The following CSMD1 variants were observed in gnomAD, a reference collection of about 807,000 sequenced individuals.
CSMD1 encodes the protein CUB and Sushi multiple domains 1.
CSMD1 carries 213 observed loss-of-function variants against 417.5 expected under a neutral mutation model. The observed-to-expected ratio is 0.51, with a 90% CI of 0.46 to 0.57. The LOEUF (loss-of-function observed/expected upper bound fraction) is 0.57, where lower values mean the gene tolerates loss of function less well. CSMD1 is among the 20% of genes least tolerant of loss of function. The pLI is 0.00. For synonymous variants in CSMD1, 2,862 were observed against 1,736.8 expected (o/e 1.65, Z -16.11); for missense variants, 6,923 against 4,529.7 (o/e 1.53, Z -15.17).
At chr8:4,530,229 G>A (rs1450716328) in intron 2 of CSMD1, among the ~76,000 whole-genome samples, 1 of 146,888 alleles carries the variant, frequency 6.8e-6, no homozygotes, top group Admixed American at 6.9e-5. Flanking sequence ...TGTTATTTGT[G>A]ACTGCATACC....
At chr8:2,951,064 A>C (rs1355769261) in intron 66 of CSMD1, 50 bp downstream of exon 66, 2 of 1,557,738 alleles carry the variant, frequency 1.3e-6, no homozygotes, top group East Asian at 2.2e-5. Context: ...AAAAGATAAC[A>C]GGTCTATTTC....
At chr8:4,426,631 A>AT (rs976148742) in intron 2 of CSMD1, among the ~76,000 whole-genome samples, 4 of 146,818 alleles carry the variant, frequency 2.7e-5, no homozygotes, top group Admixed American at 6.9e-5. Flanking sequence ...ACTATATAAT[A>AT]TAGTAATATT....
At chr8:4,613,484 G>C (rs1801300419) in intron 2 of CSMD1, among the ~76,000 whole-genome samples, 1 of 152,148 alleles carries the variant, frequency 6.6e-6, no homozygotes, top group African/African-American at 2.4e-5. Context: ...GCCTGGAAGA[G>C]CATACTTACA....
chr8:3,853,195 C>G (rs1160515790), intron 5 of CSMD1, among the ~76,000 whole-genome samples: 1 of 152,114 alleles, frequency 6.6e-6, no homozygotes, highest in Admixed American at 6.5e-5. Context: ...CCTTCCTTCA[C>G]GATTGCATGT....
At chr8:4,005,927 C>G (rs764056321) in intron 4 of CSMD1, among the ~76,000 whole-genome samples, 4 of 152,116 alleles carry the variant, frequency 2.6e-5, no homozygotes, top group African/African-American at 4.8e-5. Context: ...TTTGCAGAAC[C>G]ATGCATTTAT....
intron 5 of CSMD1, among the ~76,000 whole-genome samples, chr8:3,907,848 G>C (rs1808213847): frequency 1.3e-5 from 2 of 152,126 alleles, no homozygotes; most frequent in Non-Finnish European, 2.9e-5. Flanking sequence ...TCAACTCTGT[G>C]CTCTGCGGTC....
intron 64 of CSMD1, 78 bp from the exon 65 acceptor site, chr8:2,954,346 G>T: frequency 1.2e-6 from 1 of 854,692 alleles, no homozygotes; most frequent in Admixed American, 2.9e-5. Flanking sequence ...TCAAATTGAA[G>T]CAATTTTCCT....
chr8:3,802,809 G>A lies in CSMD1; in HGVS notation c.819-48767C>T, dbSNP rs184094703. On this transcript the variant is annotated intron_variant, in intron 5 of 69. Coordinates refer to ENST00000635120, the MANE Select transcript of CSMD1 (RefSeq NM_033225.6). The stretch of plus-strand genomic sequence containing the variant: ...CTTTGCTTTAACTAAAGAAATGTTC[G>A]ATTCGTTTCTCCATCAAGTGAAGGG... Among the ~76,000 whole-genome samples, 343 of 152,186 alleles carry A rather than the reference G, an allele frequency of 2.3e-3. 1 individual carries two copies. Among genetic ancestry groups the A allele is most frequent in the African/African-American group, 3.7e-3 (152 of 41,544 alleles).
intron 1 of CSMD1, among the ~76,000 whole-genome samples, chr8:4,784,966 T>C (rs1027510573): frequency 5.3e-5 from 8 of 151,466 alleles, no homozygotes; most frequent in African/African-American, 1.5e-4. Flanking sequence ...GGTAAAAAAA[T>C]GCAATACTAA....
intron 1 of CSMD1, among the ~76,000 whole-genome samples, chr8:4,793,763 C>T (rs1029863714): frequency 6.8e-6 from 1 of 148,036 alleles, no homozygotes; most frequent in Admixed American, 6.8e-5. Context: ...TTCGTTTTAC[C>T]ATCTTGAAAG....
intron 3 of CSMD1, among the ~76,000 whole-genome samples, chr8:4,216,402 G>C (rs192882896): frequency 3.9e-5 from 6 of 152,282 alleles, no homozygotes. Flanking sequence ...GTACTATTGT[G>C]TGCATGGTAA....
intron 5 of CSMD1, among the ~76,000 whole-genome samples, chr8:3,965,131 G>C (rs1812582379): frequency 6.6e-6 from 1 of 152,136 alleles, no homozygotes; most frequent in Non-Finnish European, 1.5e-5. Flanking sequence ...TTGTAATTGT[G>C]TTATTAATAT....
chr8:4,721,991 G>A (rs916221381), intron 1 of CSMD1, among the ~76,000 whole-genome samples: 2 of 152,146 alleles, frequency 1.3e-5, no homozygotes, highest in African/African-American at 2.4e-5. Flanking sequence ...AACAGGAGAA[G>A]AACGATGGTT....
intron 49 of CSMD1, among the ~76,000 whole-genome samples, chr8:3,061,814 G>A (rs1056956869): frequency 6.6e-6 from 1 of 151,980 alleles, no homozygotes; most frequent in Non-Finnish European, 1.5e-5. Flanking sequence ...TTTAATCTTG[G>A]TAACACCCTA....
In CSMD1 at chr8:3,052,524, G is replaced by C. The variant is rs1232098039; in HGVS notation, c.7598C>G (p.Ala2533Gly). The change falls in exon 50 of 70, where the codon GCA becomes GGA. Residue 2533 changes from alanine (A) to glycine (G), a missense_variant. Coordinates refer to ENST00000635120, the MANE Select transcript of CSMD1 (RefSeq NM_033225.6). ...CCCATCTTCTTGACACACGGCTGTT[G>C]CTTGCTGGCTGGATTCAAGCTTGAA... ...EGFKLESSQQ[A>G]TAVCQEDGLW... 3 of 1,603,756 alleles carry C rather than the reference G, an allele frequency of 1.9e-6. No individual in the cohort carries two copies. Among genetic ancestry groups the C allele is most frequent in the Non-Finnish European group, 2.6e-6 (3 of 1,174,864 alleles).
At chr8:4,422,849 A>G (rs1797326454) in intron 2 of CSMD1, among the ~76,000 whole-genome samples, 1 of 152,122 alleles carries the variant, frequency 6.6e-6, no homozygotes, top group African/African-American at 2.4e-5. Context: ...GGTGTTTATT[A>G]GAGGAATGTT....
rs187080573 is a variant in CSMD1, at chr8:4,700,181, A to T, written c.86-62623T>A. 1.1e-4 allele frequency among the ~76,000 whole-genome samples: 16 copies of T among 152,288 alleles called. No homozygotes were observed. The East Asian group carries it at 2.9e-3, about 28-fold the overall frequency. On this transcript the variant is annotated intron_variant, in intron 1 of 69. Coordinates refer to ENST00000635120, the MANE Select transcript of CSMD1 (RefSeq NM_033225.6). ...AAGACCTATTCAGTTCATGTTTATG[A>T]AACAAAATCTTGAAATCTTAGAAAA...
chr8:3,664,589 C>T (rs1007141102), intron 7 of CSMD1, among the ~76,000 whole-genome samples: 3 of 152,188 alleles, frequency 2.0e-5, no homozygotes, highest in Non-Finnish European at 4.4e-5. Flanking sequence ...AGGAGTTTTC[C>T]TCTGCCTTGT....
intron 25 of CSMD1, among the ~76,000 whole-genome samples, chr8:3,296,276 T>G (rs1483536517): frequency 1.3e-5 from 2 of 151,130 alleles, no homozygotes; most frequent in East Asian, 3.9e-4. Context: ...GACGTAAGAA[T>G]TCAGCCAAGC....
Sources: gnomAD v4.1 joint callset for allele counts (sites outside exome capture counted in the v4.1 genomes callset) on GRCh38, gnomAD v4.1.1 for gene constraint, MANE v1.5 for transcripts, NCBI Gene and HGNC (gene_info 2026-07-23, HGNC 2026-07-21) for gene names.